The following DPH6 variants were observed in gnomAD, a reference collection of about 807,000 sequenced individuals.
DPH6 encodes the protein diphthamine biosynthesis 6.
In DPH6, 33 loss-of-function variants were observed where a neutral mutation model predicts 38.2. The observed-to-expected ratio is 0.86, with a 90% confidence interval of 0.65 to 1.15. DPH6 has a LOEUF of 1.15. Among genes scored for constraint, DPH6 ranks in the 50% most tolerant of loss-of-function variants. The pLI is 0.00. For synonymous variants in DPH6, 108 were observed against 103.0 expected, an observed-to-expected ratio of 1.05 and a Z score of -0.30; for missense variants, 325 against 320.0, an observed-to-expected ratio of 1.02 and a Z score of -0.12.
chr15:35,491,457 G>T (rs1350456890), intron 3 of DPH6, among the ~76,000 whole-genome samples: 2 of 150,478 alleles, frequency 1.3e-5, no homozygotes, highest in South Asian at 4.2e-4. Flanking sequence ...TTCCTTAGTG[G>T]CACTGTCGGT....
the DPH6 span, among the ~76,000 whole-genome samples, chr15:35,170,494 C>T: frequency 4.6e-5 from 7 of 152,184 alleles, no homozygotes; most frequent in Admixed American, 2.0e-4. Flanking sequence ...AGCATGAAGC[C>T]AGATTTACAT....
the DPH6 span, among the ~76,000 whole-genome samples, chr15:35,152,722 C>G: frequency 6.6e-6 from 1 of 152,316 alleles, no homozygotes; most frequent in East Asian, 1.9e-4. Context: ...TCTTCTCGAA[C>G]TCCTGACCTC....
chr15:35,356,995 C>T (rs932657858), intron 3 of DPH6, among the ~76,000 whole-genome samples: 1 of 152,196 alleles, frequency 6.6e-6, no homozygotes, highest in Non-Finnish European at 1.5e-5. Flanking sequence ...GGTGCCTCTC[C>T]CCCAGCCTCT....
exon 4 of DPH6, chr15:35,217,737 T>G (rs1299871823): frequency 6.6e-6 from 1 of 152,222 alleles, no homozygotes; most frequent in Non-Finnish European, 1.5e-5. Context: ...TCAGCAACTG[T>G]GTGCCCAACT....
chr15:35,349,043 T>A (rs1216135476), intron 3 of DPH6, among the ~76,000 whole-genome samples: 4 of 152,194 alleles, frequency 2.6e-5, no homozygotes, highest in Non-Finnish European at 5.9e-5. Context: ...TTTAACAGTT[T>A]TTGGGTTTTG....
intron 3 of DPH6, among the ~76,000 whole-genome samples, chr15:35,506,549 G>A (rs1276108926): frequency 1.3e-5 from 2 of 152,140 alleles, no homozygotes; most frequent in African/African-American, 4.8e-5. Flanking sequence ...TACAGCCCAC[G>A]CTAGGTCACG....
At chr15:35,301,699 G>A (rs2052055373) in intron 3 of DPH6, among the ~76,000 whole-genome samples, 1 of 152,162 alleles carries the variant, frequency 6.6e-6, no homozygotes, top group African/African-American at 2.4e-5. Flanking sequence ...GGCCGGGCGT[G>A]GTGGCTCATG....
rs1458848086 is a variant in DPH6 at position 35,511,276 on chromosome 15, A to G, written c.312+26998T>C. On this transcript the variant is annotated intron_variant, in intron 3 of 8. Coordinates refer to ENST00000256538, the MANE Select transcript of DPH6 (RefSeq NM_080650.4). Reference sequence around the variant, plus strand: ...ACAACCAGTGCTCATAAAAAGACATAAATATTACAGATGACCATAATCTAA... The same window carrying G: ...ACAACCAGTGCTCATAAAAAGACATGAATATTACAGATGACCATAATCTAA... Among the ~76,000 whole-genome samples the G allele has an allele frequency of 2.0e-5, 3 of 152,180 alleles. No individual in the cohort carries two copies. In the East Asian group the frequency reaches 5.8e-4, roughly 29 times the overall value.
chr15:35,248,598 C>T (rs934158994), intron 3 of DPH6, among the ~76,000 whole-genome samples: 15 of 152,234 alleles, frequency 9.9e-5, no homozygotes, highest in African/African-American at 3.4e-4. Flanking sequence ...TAAAATCAGA[C>T]TGCTTTCCCT....
At chr15:35,413,611 C>A (rs527851388) in intron 5 of DPH6, among the ~76,000 whole-genome samples, 1 of 151,618 alleles carries the variant, frequency 6.6e-6, no homozygotes, top group South Asian at 2.1e-4. Flanking sequence ...CTTTCTTTTG[C>A]TAATATCTTT....
chr15:35,542,366 G>T, intron 2 of DPH6, 47 bp downstream of exon 2: 3 of 1,432,200 alleles, frequency 2.1e-6, no homozygotes, highest in South Asian at 1.3e-5. Flanking sequence ...TTATGAAGTT[G>T]GAATTTCATT....
At chr15:35,498,425 G>C (rs1013665508) in intron 3 of DPH6, among the ~76,000 whole-genome samples, 8 of 152,104 alleles carry the variant, frequency 5.3e-5, no homozygotes, top group African/African-American at 1.7e-4. Flanking sequence ...GAATTCTCTT[G>C]TTCCTTTATT....
At chr15:35,301,157 G>A (rs1360490609) in intron 3 of DPH6, among the ~76,000 whole-genome samples, 2 of 152,136 alleles carry the variant, frequency 1.3e-5, no homozygotes, top group Non-Finnish European at 2.9e-5. Flanking sequence ...ATTTAAAACC[G>A]TATGTATTAC....
At chr15:35,545,693 G>T (rs900826487) in intron 1 of DPH6, among the ~76,000 whole-genome samples, 1 of 152,104 alleles carries the variant, frequency 6.6e-6, no homozygotes, top group African/African-American at 2.4e-5. Flanking sequence ...AAGCGAGGGG[G>T]AAAGGGCGAG....
chr15:35,177,143 T>C, the DPH6 span, among the ~76,000 whole-genome samples: 2 of 152,176 alleles, frequency 1.3e-5, no homozygotes, highest in Non-Finnish European at 1.5e-5. Flanking sequence ...ATCCCTTGCA[T>C]TCTGGTAATC....
At chr15:35,521,477 A>T (rs1236665640) in intron 3 of DPH6, 1 of 1,201,712 alleles carries the variant, frequency 8.3e-7, no homozygotes, top group Non-Finnish European at 1.0e-6. Flanking sequence ...ATCTAACAAA[A>T]TTAATGCTTA....
intron 3 of DPH6, among the ~76,000 whole-genome samples, chr15:35,283,525 C>T (rs2051917260): frequency 6.6e-6 from 1 of 151,820 alleles, no homozygotes; most frequent in South Asian, 2.1e-4. Context: ...CTCAAACTCC[C>T]GTCCTCATGA....
At chr15:35,469,195 G>C (rs1205508007) in intron 3 of DPH6, among the ~76,000 whole-genome samples, 1 of 152,136 alleles carries the variant, frequency 6.6e-6, no homozygotes, top group Non-Finnish European at 1.5e-5. Context: ...TGACAGGGAA[G>C]GAAAGGAAGA....
chr15:35,189,634 AC>A, the DPH6 span, among the ~76,000 whole-genome samples: 2 of 152,172 alleles, frequency 1.3e-5, no homozygotes, highest in African/African-American at 4.8e-5. Context: ...CTTTGAAGGC[AC>A]CTTTGTAATT....
Sources: allele counts gnomAD v4.1 joint callset (sites outside exome capture counted in the v4.1 genomes callset), GRCh38; gene constraint gnomAD v4.1.1; transcripts MANE v1.5; gene names NCBI Gene and HGNC (gene_info 2026-07-23, HGNC 2026-07-21).